Variants in PEX14 observed in about 807,000 individuals in gnomAD.
PEX14 encodes the protein peroxisomal biogenesis factor 14.
A neutral mutation model predicts 49.5 loss-of-function variants in PEX14; 15 were observed. That is an observed-to-expected ratio of 0.30 (90% CI 0.20 to 0.47). PEX14 has a LOEUF of 0.47. PEX14 is among the 20% of genes least tolerant of loss of function. PEX14 has a pLI of 1.00. For missense variants in PEX14, 398 were observed against 494.8 expected (o/e 0.80, Z 1.86); for synonymous variants, 210 against 212.7 (o/e 0.99, Z 0.11).
At chr1:10,545,576 A>C (rs866765703) in intron 3 of PEX14, among the ~76,000 whole-genome samples, 2 of 152,222 alleles carry the variant, frequency 1.3e-5, no homozygotes, top group East Asian at 3.8e-4. Context: ...TCATGTTTGG[A>C]CTACTTCAGC....
chr1:10,540,155 G>A (rs1359195766), intron 3 of PEX14, among the ~76,000 whole-genome samples: 1 of 152,200 alleles, frequency 6.6e-6, no homozygotes, highest in African/African-American at 2.4e-5. Flanking sequence ...GTTCCTGGAA[G>A]TAGAAACCCC....
At chr1:10,626,870 A>G (rs999596471) in intron 7 of PEX14, among the ~76,000 whole-genome samples, 2 of 152,194 alleles carry the variant, frequency 1.3e-5, no homozygotes, top group East Asian at 3.9e-4. Flanking sequence ...TGTTACCTTC[A>G]AAGGGGAAAG....
intron 1 of PEX14, among the ~76,000 whole-genome samples, chr1:10,480,827 GTC>G (rs1182681140): frequency 6.7e-6 from 1 of 149,216 alleles, no homozygotes; most frequent in Non-Finnish European, 1.5e-5. Flanking sequence ...CTTTATGTCA[GTC>G]TCTCTCTCTC....
intron 2 of PEX14, among the ~76,000 whole-genome samples, chr1:10,525,992 G>A (rs1487083510): frequency 6.8e-6 from 1 of 146,630 alleles, no homozygotes; most frequent in Non-Finnish European, 1.5e-5. Context: ...TGTGATCTTG[G>A]CTCACTGCAA....
At position 10,598,899 on chromosome 1, in the gene PEX14, A is replaced by G. The variant is rs60842505; in HGVS notation, c.170-339A>G. ...CCCCTCTTTTTTTTTTAACACCATT[A>G]CAGATTAAAATGAGCCACATTTGCA... On this transcript the variant is annotated intron_variant, in intron 3 of 8. Coordinates refer to ENST00000356607, the MANE Select transcript of PEX14 (RefSeq NM_004565.3). Among the ~76,000 whole-genome samples the G allele has an allele frequency of 5.1e-3, 771 of 150,812 alleles. 2 individuals carry two copies. The highest frequency in any genetic ancestry group is 9.6e-3 in the African/African-American group (393 of 40,916).
At chr1:10,562,938 GTCTC>G (rs1289068831) in intron 3 of PEX14, among the ~76,000 whole-genome samples, 1 of 142,888 alleles carries the variant, frequency 7.0e-6, no homozygotes, top group Non-Finnish European at 1.5e-5. Context: ...TAGAGACAGA[GTCTC>G]TCTCTGTCGC....
chr1:10,599,211 C>A, intron 3 of PEX14, 27 bp from the exon 4 acceptor site: 1 of 1,612,890 alleles, frequency 6.2e-7, no homozygotes, highest in Non-Finnish European at 8.5e-7. Context: ...AAGGTACTCA[C>A]CTGCAATGAT....
intron 3 of PEX14, among the ~76,000 whole-genome samples, chr1:10,583,113 A>G (rs1640372358): frequency 6.6e-6 from 1 of 152,100 alleles, no homozygotes; most frequent in Non-Finnish European, 1.5e-5. Context: ...AGAGGGAATC[A>G]AGAAGGTGGG....
At chr1:10,586,628 C>CTTTTTTTTTTTTTT (rs35743829) in intron 3 of PEX14, among the ~76,000 whole-genome samples, 1 of 93,012 alleles carries the variant, frequency 1.1e-5, no homozygotes, top group East Asian at 3.2e-4. Flanking sequence ...AGCCGTTTAC[C>CTTTTTTTTTTTTTT]TTTTTTTTTT....
intron 3 of PEX14, among the ~76,000 whole-genome samples, chr1:10,598,389 A>G: frequency 6.6e-6 from 1 of 152,128 alleles, no homozygotes; most frequent in East Asian, 1.9e-4. Flanking sequence ...ATTGGCTCAG[A>G]CCCGGTGGAA....
intron 2 of PEX14, among the ~76,000 whole-genome samples, chr1:10,530,796 G>C (rs539871752): frequency 1.6e-4 from 24 of 152,278 alleles, no homozygotes; most frequent in African/African-American, 5.1e-4. Flanking sequence ...TATTCCTGCT[G>C]CTTTTTTAGT....
At chr1:10,502,615 T>C (rs1246331763) in intron 2 of PEX14, among the ~76,000 whole-genome samples, 1 of 152,124 alleles carries the variant, frequency 6.6e-6, no homozygotes, top group Non-Finnish European at 1.5e-5. Context: ...TTGTTTGTAC[T>C]TTAGGTTCCT....
Position 10,514,156 on chromosome 1 carries a change from C to CTG in PEX14, c.84+18877_84+18878dup, listed in dbSNP as rs56306413. Among the ~76,000 whole-genome samples the CTG allele has an allele frequency of 0.21, 30,644 of 142,780 alleles. 3,216 individuals are homozygous for CTG. The highest frequency in any genetic ancestry group is 0.27 in the East Asian group (1,272 of 4,792). 93.7% of individuals were successfully genotyped at this position (142,780 alleles called of 152,430 possible). A position where few individuals can be genotyped will look rare whatever the true frequency, so the allele number is the denominator to read the frequency against. On this transcript the variant is annotated intron_variant, in intron 2 of 8. Transcript: ENST00000356607. The surrounding 1 kb of genome is among the most constrained non-coding windows in gnomAD (Gnocchi z 4.4). ...AAAATGTATAAAATAATCTATGCCT[C>CTG]TGTGTGTGTGTGTGTGTGTGTGTGT...
At chr1:10,616,563 G>C (rs1335938214) in intron 4 of PEX14, among the ~76,000 whole-genome samples, 2 of 152,084 alleles carry the variant, frequency 1.3e-5, no homozygotes, top group African/African-American at 4.8e-5. Context: ...CGCCTTCCCC[G>C]CTGGTCTGTG....
At chr1:10,542,827 C>T (rs1199795714) in intron 3 of PEX14, among the ~76,000 whole-genome samples, 1 of 152,184 alleles carries the variant, frequency 6.6e-6, no homozygotes, top group South Asian at 2.1e-4. Context: ...TGATTCCTAT[C>T]TTCTGCTGTC....
intron 3 of PEX14, among the ~76,000 whole-genome samples, chr1:10,556,048 C>T (rs1356500633): frequency 2.0e-5 from 3 of 152,000 alleles, no homozygotes; most frequent in East Asian, 1.9e-4. Context: ...CCACCGAGCA[C>T]GAGGCGAAAG....
Position 10,629,667 on chromosome 1 carries a change from A to G in PEX14, c.814A>G (p.Thr272Ala). The G allele has an allele frequency of 6.2e-7, 1 of 1,613,772 alleles. No homozygotes were observed. Among genetic ancestry groups the G allele is most frequent in the South Asian group, 1.1e-5 (1 of 91,056 alleles). ...CATCTCACCTGTCAGCAACGAGTCC[A>G]CGTCGTCCTCGCCTGGGAAGGAGGG... is the stretch of plus-strand genomic sequence containing the variant. The part of the protein sequence containing the change: ...SDISPVSNES[T>A]SSSPGKEGHS... Residue 272 changes from threonine to alanine, a missense_variant, in exon 9 of 9, where the codon ACG becomes GCG. By Grantham distance (58) the Thr-to-Ala change is moderately conservative. Coordinates refer to ENST00000356607, the MANE Select transcript of PEX14 (RefSeq NM_004565.3). This position sits in a 1 kb window ranked among gnomAD's most constrained non-coding sequence, Gnocchi z 8.5.
At chr1:10,618,460 C>T in intron 5 of PEX14, 43 bp downstream of exon 5, 1 of 1,428,482 alleles carries the variant, frequency 7.0e-7, no homozygotes, top group South Asian at 1.1e-5. Flanking sequence ...CCCCTGCCAC[C>T]CTGTGGCATT....
chr1:10,624,504 C>A (rs1570368684), intron 7 of PEX14, 67 bp downstream of exon 7: 3 of 1,125,242 alleles, frequency 2.7e-6, no homozygotes, highest in African/African-American at 3.1e-5. Flanking sequence ...CACTCTTGTC[C>A]CTTGGGCCGG....
Sources: gnomAD v4.1 joint callset for allele counts (sites outside exome capture counted in the v4.1 genomes callset) on GRCh38, gnomAD v4.1.1 for gene constraint, Gnocchi (gnomAD v3.1) non-coding constraint, MANE v1.5 for transcripts, NCBI Gene and HGNC (gene_info 2026-07-23, HGNC 2026-07-21) for gene names.